The following PCDHGA8 variants were observed in gnomAD, a reference collection of about 807,000 sequenced individuals.
PCDHGA8 encodes protocadherin gamma-A8.
Under a neutral mutation model 59.2 loss-of-function variants are expected in PCDHGA8, and 45 were observed. The ratio of observed to expected loss-of-function variants is 0.76; its 90% CI spans 0.60 to 0.98. The LOEUF is 0.98. Among genes scored for constraint, PCDHGA8 ranks in the 50% least tolerant of loss-of-function variants. The pLI is 0.00. For missense variants in PCDHGA8, 1,257 were observed against 1,196.2 expected (o/e 1.05, Z -0.75); for synonymous variants, 531 against 519.0 (o/e 1.02, Z -0.32).
At chr5:141,434,117 G>T (rs2097672674) in intron 1 of PCDHGA8, among the ~76,000 whole-genome samples, 1 of 152,126 alleles carries the variant, frequency 6.6e-6, no homozygotes, top group African/African-American at 2.4e-5. Context: ...TGGCCTTTGG[G>T]ACTCCCTTTA....
At chr5:141,464,137 C>T (rs1015442185) in intron 1 of PCDHGA8, among the ~76,000 whole-genome samples, 9 of 151,928 alleles carry the variant, frequency 5.9e-5, no homozygotes, top group Non-Finnish European at 7.4e-5. Context: ...TGGTGGTGGG[C>T]GCCTGTAGTC....
rs1414795207 is a variant in PCDHGA8 at position 141,393,033 on chromosome 5, C to T, written c.220C>T (p.Leu74Phe). Residue 74 changes from leucine to phenylalanine, a missense_variant, in exon 1 of 4, where the codon CTC becomes TTC. Physicochemically the swap from Leu to Phe is conservative, Grantham distance 22. Transcript: ENST00000398604. ...TATCGTCTCCAGAGGTAGGACGCAG[C>T]TCTTTGCTCTGAACCCGCGCAGCGG... is the stretch of plus-strand genomic sequence containing the variant. ...VRIVSRGRTQ[L>F]FALNPRSGSL... 4.3e-6 allele frequency: 7 copies of T among 1,613,782 alleles called. No individual in the cohort carries two copies. The highest frequency in any genetic ancestry group is 4.0e-5 in the African/African-American group (3 of 75,052).
intron 1 of PCDHGA8, chr5:141,409,008 A>G (rs2095209237): frequency 6.2e-7 from 1 of 1,613,898 alleles, no homozygotes; most frequent in African/African-American, 1.3e-5. Context: ...GCCACTGACC[A>G]GGATGAGGGG....
intron 1 of PCDHGA8, among the ~76,000 whole-genome samples, chr5:141,457,384 G>A (rs2154565902): frequency 6.6e-6 from 1 of 152,270 alleles, no homozygotes; most frequent in African/African-American, 2.4e-5. Context: ...CCCAGAACTA[G>A]CATATTGATT....
Position 141,491,547 on chromosome 5 carries a change from G to C in PCDHGA8, c.2425-3260G>C. On this transcript the variant is annotated intron_variant, in intron 1 of 3. Coordinates refer to ENST00000398604, the MANE Select transcript of PCDHGA8 (RefSeq NM_032088.2). This position sits in a 1 kb window ranked among gnomAD's most constrained non-coding sequence, Gnocchi z 6.9. Reference sequence around the variant, plus strand: ...AGGTGACGCTGCGGCCCACAGACTCGCAGAGCCACTGCTACAGGACGTGCT... The same window carrying C: ...AGGTGACGCTGCGGCCCACAGACTCCCAGAGCCACTGCTACAGGACGTGCT... 6.2e-7 allele frequency: 1 copy of C among 1,613,974 alleles called. No individual in the cohort carries two copies. The highest frequency in any genetic ancestry group is 8.5e-7 in the Non-Finnish European group (1 of 1,180,022).
At chr5:141,395,633 G>T (rs1448678453) in intron 1 of PCDHGA8, 1 of 179,296 alleles carries the variant, frequency 5.6e-6, no homozygotes, top group African/African-American at 2.4e-5. Context: ...GAAGTCTAAA[G>T]CCTTGTTATT....
chr5:141,472,770 G>C (rs953423129), intron 1 of PCDHGA8, among the ~76,000 whole-genome samples: 5 of 152,046 alleles, frequency 3.3e-5, no homozygotes, highest in Admixed American at 6.6e-5. Flanking sequence ...CAGATCACCT[G>C]AGGTTGGGAG....
In PCDHGA8 at chr5:141,395,111, T is replaced by G; in HGVS notation, c.2298T>G (p.Ser766Arg). 6.2e-7 allele frequency: 1 copy of G among 1,613,670 alleles called. No individual in the cohort carries two copies. The highest frequency in any genetic ancestry group is 1.7e-4 in the Middle Eastern group (1 of 6,060). ...CCCTCACCGCCGACTCGCGGAAGAG[T>G]CACCTGATCTTTCCCCAGCCCAACT... ...EVSLTADSRK[S>R]HLIFPQPNYA... The change falls in exon 1 of 4, where the codon AGT becomes AGG. Residue 766 changes from serine (S) to arginine (R), a missense_variant. Ser to Arg is a moderately radical substitution (Grantham distance 110). Transcript: ENST00000398604.
At chr5:141,427,969 A>G (rs1239461810) in intron 1 of PCDHGA8, 1 of 1,591,942 alleles carries the variant, frequency 6.3e-7, no homozygotes, top group Admixed American at 1.7e-5. Context: ...CGGGTGCTGT[A>G]CCCCGCGCTG....
chr5:141,480,077 C>T (rs767048249), intron 1 of PCDHGA8, among the ~76,000 whole-genome samples: 2 of 152,142 alleles, frequency 1.3e-5, no homozygotes, highest in Non-Finnish European at 2.9e-5. Flanking sequence ...AAGATTCATG[C>T]ATGATATAAT....
intron 1 of PCDHGA8, chr5:141,427,176 G>A (rs777424789): frequency 2.2e-6 from 1 of 456,742 alleles, no homozygotes; most frequent in Non-Finnish European, 4.4e-6. Context: ...TCAAAATGGG[G>A]AAATTAAATC....
intron 1 of PCDHGA8, chr5:141,426,987 G>C (rs867397302): frequency 1.3e-5 from 6 of 456,602 alleles, no homozygotes; most frequent in African/African-American, 1.2e-4. Context: ...TGATGCCAAC[G>C]ATAATGCCCC....
intron 1 of PCDHGA8, chr5:141,400,775 C>T (rs2094072666): frequency 5.4e-6 from 3 of 559,824 alleles, no homozygotes; most frequent in South Asian, 5.1e-5. Context: ...ACATTTGGTG[C>T]GTTTTTTTGT....
At chr5:141,508,756 C>A (rs890362975) in intron 3 of PCDHGA8, among the ~76,000 whole-genome samples, 2 of 151,904 alleles carry the variant, frequency 1.3e-5, no homozygotes, top group African/African-American at 4.8e-5. Flanking sequence ...CTTTCTCTGG[C>A]GCCTCTGAGG....
intron 1 of PCDHGA8, among the ~76,000 whole-genome samples, chr5:141,457,656 G>T (rs2098926936): frequency 6.6e-6 from 1 of 152,244 alleles, no homozygotes; most frequent in Non-Finnish European, 1.5e-5. Context: ...ATGAAGTGCA[G>T]CAAGAATGGT....
rs1266068276 is a variant in PCDHGA8 at position 141,418,847 on chromosome 5, C to T, written c.2424+23610C>T. 1.2e-6 allele frequency: 2 copies of T among 1,613,972 alleles called. No individual in the cohort carries two copies. The highest frequency in any genetic ancestry group is 1.3e-5 in the African/African-American group (1 of 75,054). On this transcript the variant is annotated intron_variant, in intron 1 of 3. Transcript: ENST00000398604. ...AAAAGACCGAGGATCTCTCTCAACACGGTGTAAAGTAATTGTAGAAGTTGT... is the reference window on the plus strand; with the variant it reads ...AAAAGACCGAGGATCTCTCTCAACATGGTGTAAAGTAATTGTAGAAGTTGT...
chr5:141,398,932 C>T (rs554339110), intron 1 of PCDHGA8: 1 of 1,613,900 alleles, frequency 6.2e-7, no homozygotes, highest in Non-Finnish European at 8.5e-7. Context: ...AGCCACTGAC[C>T]AAGACGAGGG....
intron 1 of PCDHGA8, among the ~76,000 whole-genome samples, chr5:141,451,284 G>C (rs950768919): frequency 2.6e-5 from 4 of 152,186 alleles, no homozygotes; most frequent in African/African-American, 9.7e-5. Flanking sequence ...GAGTGCCTCT[G>C]CCTCAAAGTC....
intron 2 of PCDHGA8, among the ~76,000 whole-genome samples, chr5:141,501,868 C>G (rs1016056445): frequency 1.3e-5 from 2 of 152,120 alleles, no homozygotes; most frequent in African/African-American, 2.4e-5. Flanking sequence ...TCCCAGGACG[C>G]CTCCTTACAC....
Sources: gnomAD v4.1 joint callset for allele counts (sites outside exome capture counted in the v4.1 genomes callset) on GRCh38, gnomAD v4.1.1 for gene constraint, Gnocchi (gnomAD v3.1) non-coding constraint, MANE v1.5 for transcripts, NCBI Gene and HGNC (gene_info 2026-07-23, HGNC 2026-07-21) for gene names.